The following CDH18 variants were observed in gnomAD, a reference collection of about 807,000 sequenced individuals.
CDH18 encodes cadherin 18, also known as cadherin-18.
Under a neutral mutation model 67.9 loss-of-function variants are expected in CDH18, and 31 were observed. The ratio of observed to expected loss-of-function variants is 0.46; its 90% CI spans 0.34 to 0.62. The LOEUF is 0.62. CDH18 is among the 20% of genes least tolerant of loss of function. The probability of loss-of-function intolerance (pLI) is 0.01; values close to 1 mark genes in which losing one functional copy is unlikely to be tolerated. For missense variants in CDH18, 890 were observed against 975.5 expected, an observed-to-expected ratio of 0.91 and a Z score of 1.17; for synonymous variants, 362 against 347.2, an observed-to-expected ratio of 1.04 and a Z score of -0.48.
chr5:20,249,456 C>A (rs1743647779), intron 2 of CDH18, among the ~76,000 whole-genome samples: 1 of 146,080 alleles, frequency 6.8e-6, no homozygotes, highest in Non-Finnish European at 1.5e-5. Context: ...GATATTGGCT[C>A]ACTGCAAGCT....
At chr5:19,889,080 A>C (rs539162206) in intron 2 of CDH18, among the ~76,000 whole-genome samples, 2 of 152,236 alleles carry the variant, frequency 1.3e-5, no homozygotes, top group East Asian at 3.9e-4. Context: ...TAACCTAATA[A>C]ATGTAAATAC....
At chr5:20,211,116 T>C (rs1045113004) in intron 2 of CDH18, among the ~76,000 whole-genome samples, 2 of 152,126 alleles carry the variant, frequency 1.3e-5, no homozygotes, top group African/African-American at 2.4e-5. Context: ...TTCCCAGTAA[T>C]TATAAAAATT....
rs59083214 is a variant in CDH18, at chr5:20,336,724, C to CAAAAAAAAAAAAAAAAAAAAAAA, written c.-579-81242_-579-81220dup. Among the ~76,000 whole-genome samples, 6 of 63,470 alleles carry CAAAAAAAAAAAAAAAAAAAAAAA rather than the reference C, an allele frequency of 9.5e-5. 1 individual carries two copies. Among genetic ancestry groups the CAAAAAAAAAAAAAAAAAAAAAAA allele is most frequent in the Admixed American group, 2.1e-4 (1 of 4,832 alleles). 41.6% of individuals were successfully genotyped at this position (63,470 alleles called of 152,430 possible). A position where few individuals can be genotyped will look rare whatever the true frequency, so the allele number is the denominator to read the frequency against. On this transcript the variant is annotated intron_variant, in intron 1 of 14. Coordinates refer to the CDH18 transcript ENST00000507958. The stretch of plus-strand genomic sequence containing the variant: ...GGCAACAGAGAGGGAGCCTCTGTCT[C>CAAAAAAAAAAAAAAAAAAAAAAA]AAAAAAAAAAAAAAAAAAAAAAAAA...
intron 1 of CDH18, among the ~76,000 whole-genome samples, chr5:20,374,447 C>G (rs984427138): frequency 6.6e-6 from 1 of 152,162 alleles, no homozygotes; most frequent in Non-Finnish European, 1.5e-5. Context: ...AGTAAGAGTT[C>G]TGGAGCAGCA....
At chr5:19,584,312 G>T (rs964865793) in intron 7 of CDH18, among the ~76,000 whole-genome samples, 1 of 152,174 alleles carries the variant, frequency 6.6e-6, no homozygotes, top group Non-Finnish European at 1.5e-5. Flanking sequence ...AGACAGGAAC[G>T]TTGCAGACAG....
chr5:20,152,451 C>T (rs1220527629), intron 2 of CDH18, among the ~76,000 whole-genome samples: 2 of 151,526 alleles, frequency 1.3e-5, no homozygotes, highest in African/African-American at 4.8e-5. Context: ...TTTTGAAATA[C>T]TTTCCTTGTA....
At chr5:20,515,581 T>C (rs1326271835) in intron 1 of CDH18, among the ~76,000 whole-genome samples, 2 of 152,090 alleles carry the variant, frequency 1.3e-5, no homozygotes, top group South Asian at 2.1e-4. Flanking sequence ...ACAATTCCCA[T>C]TTAACAGCTC....
intron 1 of CDH18, among the ~76,000 whole-genome samples, chr5:20,269,727 G>A (rs891733632): frequency 1.3e-5 from 2 of 151,962 alleles, no homozygotes; most frequent in South Asian, 2.1e-4. Flanking sequence ...AAGGGTGAAG[G>A]GGTAAAAGTG....
chr5:20,411,469 A>G (rs896592218), intron 1 of CDH18, among the ~76,000 whole-genome samples: 1 of 152,128 alleles, frequency 6.6e-6, no homozygotes, highest in Non-Finnish European at 1.5e-5. Flanking sequence ...CTTAAATGTA[A>G]GAACTCAAAA....
intron 2 of CDH18, among the ~76,000 whole-genome samples, chr5:20,241,414 T>C (rs932952912): frequency 1.3e-5 from 2 of 152,108 alleles, no homozygotes; most frequent in African/African-American, 2.4e-5. Context: ...AGTGTGTATG[T>C]GTGCACATGC....
chr5:19,471,491 A>C lies in CDH18; in HGVS notation c.*1735T>G, dbSNP rs1737648054. 2.0e-5 allele frequency among the ~76,000 whole-genome samples: 3 copies of C among 152,122 alleles called. No homozygotes were observed. The highest frequency in any genetic ancestry group is 4.1e-4 in the South Asian group (2 of 4,830). ...AAAATGTCATATAACTTTTGGGGAC[A>C]CTGATAATGATAAATTTAAAGAGCA... On this transcript the variant is annotated 3_prime_UTR_variant, in exon 13 of 13. Transcript: ENST00000382275.
upstream of CDH18, among the ~76,000 whole-genome samples, chr5:19,990,836 G>T (rs1406846342): frequency 6.6e-6 from 1 of 152,204 alleles, no homozygotes; most frequent in Non-Finnish European, 1.5e-5. Context: ...GGAATTTGCT[G>T]CTAGGGAAAG....
chr5:20,065,196 C>T (rs182992569), intron 2 of CDH18, among the ~76,000 whole-genome samples: 3 of 151,772 alleles, frequency 2.0e-5, no homozygotes, highest in South Asian at 4.2e-4. Flanking sequence ...AAATGGCTCT[C>T]GTGAGAATCT....
At chr5:19,801,939 G>A (rs1031386425) in intron 3 of CDH18, among the ~76,000 whole-genome samples, 1 of 151,966 alleles carries the variant, frequency 6.6e-6, no homozygotes, top group African/African-American at 2.4e-5. Context: ...CTATCTAAAT[G>A]TTTACTAAAA....
intron 2 of CDH18, among the ~76,000 whole-genome samples, chr5:20,103,246 T>C (rs1217300108): frequency 6.6e-6 from 1 of 151,796 alleles, no homozygotes; most frequent in East Asian, 1.9e-4. Context: ...CAATAGTTGA[T>C]TGCAGTGCTC....
intron 1 of CDH18, among the ~76,000 whole-genome samples, chr5:20,515,132 A>G (rs1224599442): frequency 6.6e-6 from 1 of 152,096 alleles, no homozygotes; most frequent in Admixed American, 6.6e-5. Flanking sequence ...TGTTGAATGC[A>G]TATTACTATA....
intron 3 of CDH18, among the ~76,000 whole-genome samples, chr5:19,832,354 A>G (rs771504759): frequency 1.3e-5 from 2 of 152,152 alleles, no homozygotes; most frequent in Admixed American, 6.6e-5. Context: ...GATAATTTGG[A>G]ATAATCTTAC....
intron 1 of CDH18, among the ~76,000 whole-genome samples, chr5:20,329,081 A>G (rs546399062): frequency 1.3e-5 from 2 of 152,208 alleles, no homozygotes; most frequent in Non-Finnish European, 2.9e-5. Context: ...TACAAGCATG[A>G]ACTGTTTTAA....
intron 5 of CDH18, among the ~76,000 whole-genome samples, chr5:19,617,677 T>C (rs1750052308): frequency 1.3e-5 from 2 of 152,208 alleles, no homozygotes; most frequent in South Asian, 4.1e-4. Context: ...CTGGGTTGAA[T>C]CAACAAGATG....
Sources: allele counts gnomAD v4.1 joint callset (sites outside exome capture counted in the v4.1 genomes callset), GRCh38; gene constraint gnomAD v4.1.1; transcripts MANE v1.5; gene names NCBI Gene and HGNC (gene_info 2026-07-23, HGNC 2026-07-21).